IRAG2: variants seen among roughly 807,000 people sequenced by gnomAD.
The protein encoded by IRAG2 is inositol 1,4,5-triphosphate receptor associated 2.
A neutral mutation model predicts 69.9 loss-of-function variants in IRAG2; 45 were observed. That is an observed-to-expected ratio of 0.64 (90% CI 0.51 to 0.83). The LOEUF (loss-of-function observed/expected upper bound fraction) is 0.83, where lower values mean the gene tolerates loss of function less well. Ranked by LOEUF, IRAG2 falls within the 40% of genes least tolerant of loss-of-function variation. The probability of loss-of-function intolerance (pLI) is 0.00; values close to 1 mark genes in which losing one functional copy is unlikely to be tolerated. For synonymous variants in IRAG2, 193 were observed against 202.4 expected, an observed-to-expected ratio of 0.95 and a Z score of 0.40; for missense variants, 520 against 587.0, an observed-to-expected ratio of 0.89 and a Z score of 1.18.
chr12:25,051,259 G>A (rs1944866604), upstream of IRAG2, among the ~76,000 whole-genome samples: 1 of 152,202 alleles, frequency 6.6e-6, no homozygotes, highest in African/African-American at 2.4e-5. Flanking sequence ...TTGTTTGCTT[G>A]TTTACCAGTA....
intron 14 of IRAG2, among the ~76,000 whole-genome samples, chr12:25,094,248 A>T (rs2140194665): frequency 6.6e-6 from 1 of 151,562 alleles, no homozygotes; most frequent in East Asian, 1.9e-4. Context: ...ATCCATTTTG[A>T]GTTAATTTTC....
intron 9 of IRAG2, among the ~76,000 whole-genome samples, chr12:25,082,895 A>C (rs1947322387): frequency 6.6e-6 from 1 of 152,260 alleles, no homozygotes; most frequent in South Asian, 2.1e-4. Context: ...AATAAAGTAC[A>C]TAAAAATAAA....
Position 25,011,343 on chromosome 12 carries a change from G to A in IRAG2, c.689-1G>A. 4.9e-6 allele frequency: 6 copies of A among 1,231,428 alleles called. No homozygotes were observed. Among genetic ancestry groups the A allele is most frequent in the Non-Finnish European group, 6.1e-6 (6 of 987,694 alleles). 76.3% of individuals were successfully genotyped at this position (1,231,428 alleles called of 1,614,324 possible). A position where few individuals can be genotyped will look rare whatever the true frequency, so the allele number is the denominator to read the frequency against. ...AAAAATATAACTTTTCTGTCTTTCA[G>A]AACTGATCTGCTCTTCTTTTTCCAA... On this transcript the variant is annotated splice_acceptor_variant, in intron 2 of 38. Coordinates refer to the IRAG2 transcript ENST00000636465. LOFTEE classifies it high-confidence loss of function.
intron 6 of IRAG2, 84 bp from the exon 7 acceptor site, chr12:25,079,160 T>C: frequency 1.5e-6 from 2 of 1,328,376 alleles, no homozygotes; most frequent in Non-Finnish European, 2.2e-6. Flanking sequence ...TTTAGAATTG[T>C]ATGAAAATGT....
upstream of IRAG2, among the ~76,000 whole-genome samples, chr12:25,002,644 C>CTTCT (rs1555124312): frequency 3.0e-4 from 42 of 137,778 alleles, no homozygotes; most frequent in African/African-American, 3.9e-4. Flanking sequence ...TCTTCTTCTT[C>CTTCT]TTTTCTTTTT....
intron 7 of IRAG2, among the ~76,000 whole-genome samples, chr12:25,022,659 A>G (rs2139837395): frequency 6.6e-6 from 1 of 152,360 alleles, no homozygotes; most frequent in South Asian, 2.1e-4. Flanking sequence ...ATTTTTGTGT[A>G]CTAAAAAATG....
chr12:25,063,027 T>G, intron 3 of IRAG2, 127 bp downstream of exon 3: 1 of 394,786 alleles, frequency 2.5e-6, no homozygotes, highest in East Asian at 3.6e-5. Flanking sequence ...ATCAAGAGAT[T>G]ATCAAGTGAG....
intron 6 of IRAG2, among the ~76,000 whole-genome samples, chr12:25,073,303 C>G (rs1357105957): frequency 6.6e-6 from 1 of 152,172 alleles, no homozygotes; most frequent in African/African-American, 2.4e-5. Flanking sequence ...TGGCCATTAA[C>G]CAATGCGCAT....
At chr12:25,001,173 C>T (rs982709772), upstream of IRAG2, among the ~76,000 whole-genome samples, 3 of 152,044 alleles carry the variant, frequency 2.0e-5, no homozygotes, top group African/African-American at 7.2e-5. Context: ...TAAGGTTTAG[C>T]TTATCAACCA....
At chr12:25,023,126 CAAAAA>C (rs139607228) in intron 7 of IRAG2, among the ~76,000 whole-genome samples, 3 of 112,552 alleles carry the variant, frequency 2.7e-5, no homozygotes, top group Admixed American at 8.8e-5. Flanking sequence ...GACTTCGTCT[CAAAAA>C]AAAAAAAAAA....
intron 9 of IRAG2, among the ~76,000 whole-genome samples, chr12:25,027,561 A>AT (rs1401851068): frequency 2.0e-5 from 3 of 151,482 alleles, no homozygotes; most frequent in Non-Finnish European, 4.4e-5. Context: ...CACCCAGCTA[A>AT]TTTTTTGTAT....
At chr12:25,037,351 G>A (rs1048381691) in intron 15 of IRAG2, among the ~76,000 whole-genome samples, 11 of 151,926 alleles carry the variant, frequency 7.2e-5, no homozygotes, top group African/African-American at 2.4e-4. Context: ...CAAGCTGGAG[G>A]GCAGTGGCGT....
At position 25,054,395 on chromosome 12, in the gene IRAG2, A is replaced by C. The variant is rs147246876; in HGVS notation, c.-447+1439A>C. 2.6e-3 allele frequency among the ~76,000 whole-genome samples: 401 copies of C among 152,326 alleles called. 1 individual carries two copies. Among genetic ancestry groups the C allele is most frequent in the African/African-American group, 9.0e-3 (376 of 41,576 alleles). ...TTGCTCCAGTTTTGCCTTTTGATTA[A>C]ATCAATATTATACCTGAGTTTTATA... is the stretch of plus-strand genomic sequence containing the variant. On this transcript the variant is annotated intron_variant, in intron 1 of 21. Transcript: ENST00000556887.
At chr12:25,032,386 C>A in intron 12 of IRAG2, 1 of 399,012 alleles carries the variant, frequency 2.5e-6, no homozygotes, top group South Asian at 1.3e-4. Flanking sequence ...AGAGGGCAAC[C>A]CTTGCCAGCC....
chr12:25,034,778 C>T (rs984049632), intron 13 of IRAG2, among the ~76,000 whole-genome samples: 7 of 152,218 alleles, frequency 4.6e-5, no homozygotes, highest in African/African-American at 4.8e-5. Flanking sequence ...TTTGGGCAAA[C>T]GCTATTTGAA....
At chr12:25,035,885 G>A (rs1441813534) in intron 14 of IRAG2, 1 of 397,512 alleles carries the variant, frequency 2.5e-6, no homozygotes, top group African/African-American at 2.1e-5. Flanking sequence ...AAATGTATCT[G>A]TGTGCTGCTG....
At chr12:25,032,665 C>A (rs1944676964) in intron 12 of IRAG2, among the ~76,000 whole-genome samples, 1 of 152,146 alleles carries the variant, frequency 6.6e-6, no homozygotes, top group African/African-American at 2.4e-5. Context: ...GGGTTGAGTT[C>A]TAGTGAGGGC....
chr12:25,041,662 G>GTTT (rs201257184), intron 16 of IRAG2, among the ~76,000 whole-genome samples: 1 of 102,732 alleles, frequency 9.7e-6, no homozygotes, highest in East Asian at 2.8e-4. Flanking sequence ...GCTAAGTTTT[G>GTTT]TTTTTTTTTG....
rs57883311 is a variant in IRAG2, at chr12:25,077,266, A to AATATATATATGAT, written c.25-1970_25-1969insATGATATATATAT. ...AAATATATATATGATATATATATGA[A>AATATATATATGAT]ATATATATGAAATATATATGATATA... On this transcript the variant is annotated intron_variant, in intron 6 of 21. Transcript: ENST00000556887. Among the ~76,000 whole-genome samples, 114 of 32,824 alleles carry AATATATATATGAT rather than the reference A, an allele frequency of 3.5e-3. 10 individuals carry two copies. Among genetic ancestry groups the AATATATATATGAT allele is most frequent in the East Asian group, 5.2e-3 (3 of 582 alleles). The allele number at this position is 32,824 out of a possible 152,430, so 21.5% of individuals were successfully genotyped here. A position where few individuals can be genotyped will look rare whatever the true frequency, so the allele number is the denominator to read the frequency against.
Sources: gnomAD v4.1 joint callset for allele counts (sites outside exome capture counted in the v4.1 genomes callset) on GRCh38, gnomAD v4.1.1 for gene constraint, MANE v1.5 for transcripts, NCBI Gene and HGNC (gene_info 2026-07-23, HGNC 2026-07-21) for gene names.